The following SLIT3 variants were observed in gnomAD, a reference collection of about 807,000 sequenced individuals.
SLIT3 encodes the protein slit guidance ligand 3.
Under a neutral mutation model 184.0 loss-of-function variants are expected in SLIT3, and 68 were observed. The observed-to-expected ratio is 0.37, with a 90% CI of 0.30 to 0.45. SLIT3 has a LOEUF of 0.45. Ranked by LOEUF, SLIT3 falls within the 20% of genes least tolerant of loss-of-function variation. The probability of loss-of-function intolerance (pLI) is 1.00; values close to 1 mark genes in which losing one functional copy is unlikely to be tolerated. For missense variants in SLIT3, 1,707 were observed against 2,026.0 expected, an observed-to-expected ratio of 0.84 and a Z score of 3.02; for synonymous variants, 831 against 828.6, an observed-to-expected ratio of 1.00 and a Z score of -0.05.
At chr5:169,244,434 G>GGGCTGTATA (rs2113579356) in intron 3 of SLIT3, among the ~76,000 whole-genome samples, 1 of 152,314 alleles carries the variant, frequency 6.6e-6, no homozygotes, top group South Asian at 2.1e-4. Flanking sequence ...CCTTATACAG[G>GGGCTGTATA]TACCAAGACA....
At chr5:169,169,480 A>G (rs1762751528) in intron 4 of SLIT3, among the ~76,000 whole-genome samples, 1 of 152,220 alleles carries the variant, frequency 6.6e-6, no homozygotes, top group African/African-American at 2.4e-5. Flanking sequence ...ACTCAGGAAA[A>G]TAAATTAGCT....
rs986566486 is a variant in SLIT3, at chr5:168,671,367, C to T, written c.3958G>A (p.Ala1320Thr). 1.2e-6 allele frequency: 2 copies of T among 1,614,156 alleles called. No individual in the cohort carries two copies. The highest frequency in any genetic ancestry group is 1.7e-6 in the Non-Finnish European group (2 of 1,180,024). Residue 1320 changes from alanine (A) to threonine (T), a missense_variant, in exon 34 of 36, where the codon GCC becomes ACC. This residue lies in a region of SLIT3 where 387 missense variants were observed against 477.9 expected (regional missense o/e 0.81). Transcript: ENST00000519560. ...ACCCCCAGGGACTGTGGTGGGAGGG[C>T]CTTGAAGTCCTGCAGCTCGTTGTTG... ...RINNELQDFK[A>T]LPPQSLGVSP... is the part of the protein sequence containing the mutation.
chr5:169,046,771 T>G (rs775625501), intron 4 of SLIT3, among the ~76,000 whole-genome samples: 41 of 152,260 alleles, frequency 2.7e-4, no homozygotes, highest in Admixed American at 1.8e-3. Flanking sequence ...GCCCCATGTG[T>G]GTAAAATTAA....
intron 1 of SLIT3, among the ~76,000 whole-genome samples, chr5:169,257,236 G>A (rs1013171067): frequency 1.3e-5 from 2 of 152,006 alleles, no homozygotes; most frequent in Admixed American, 6.5e-5. Flanking sequence ...CCTTTACACT[G>A]TCTTCTCTCA....
rs150302421 is a variant in SLIT3 at position 168,824,370 on chromosome 5, A to G, written c.558-1039T>C. 5.8e-3 allele frequency among the ~76,000 whole-genome samples: 885 copies of G among 152,334 alleles called. 18 individuals are homozygous for G. Among genetic ancestry groups the G allele is most frequent in the African/African-American group, 0.02 (824 of 41,566 alleles). On this transcript the variant is annotated intron_variant, in intron 6 of 35. Transcript: ENST00000519560. ...AGGTACTTTTGTGCAGGGAAAAGCA[A>G]AGAGAAAGGTGTGAGCTCCATAAAT...
chr5:169,136,086 A>T (rs1388262295), intron 4 of SLIT3, among the ~76,000 whole-genome samples: 2 of 152,182 alleles, frequency 1.3e-5, no homozygotes, highest in African/African-American at 4.8e-5. Flanking sequence ...AACTAGAAAT[A>T]AAGTTGTTTC....
At chr5:168,876,854 ATAT>A (rs1157886488) in intron 5 of SLIT3, among the ~76,000 whole-genome samples, 1 of 152,052 alleles carries the variant, frequency 6.6e-6, no homozygotes, top group Non-Finnish European at 1.5e-5. Flanking sequence ...TTCCTATAGT[ATAT>A]TATTCTTACA....
chr5:169,194,844 G>A (rs950963537), intron 3 of SLIT3, among the ~76,000 whole-genome samples: 9 of 152,170 alleles, frequency 5.9e-5, no homozygotes, highest in African/African-American at 2.2e-4. Context: ...GTGACACAGA[G>A]CCATCATTAT....
chr5:168,735,320 G>A (rs1353649090), intron 20 of SLIT3, among the ~76,000 whole-genome samples: 1 of 152,178 alleles, frequency 6.6e-6, no homozygotes, highest in Non-Finnish European at 1.5e-5. Flanking sequence ...CAAACCAGCT[G>A]ATGTTAATGG....
intron 1 of SLIT3, among the ~76,000 whole-genome samples, chr5:169,296,472 C>G (rs889232108): frequency 3.3e-5 from 5 of 152,218 alleles, no homozygotes; most frequent in East Asian, 1.9e-4. Flanking sequence ...GCTCCTTAGT[C>G]TGTCCAGGAG....
At chr5:169,000,603 C>G (rs1003377404) in intron 4 of SLIT3, among the ~76,000 whole-genome samples, 1 of 151,930 alleles carries the variant, frequency 6.6e-6, no homozygotes, top group Admixed American at 6.6e-5. Context: ...ATAACAAAAA[C>G]TTAAGGGTGT....
At chr5:169,261,155 C>A (rs888157784) in intron 1 of SLIT3, among the ~76,000 whole-genome samples, 2 of 152,156 alleles carry the variant, frequency 1.3e-5, no homozygotes, top group Non-Finnish European at 2.9e-5. Context: ...CAAAAGCTTA[C>A]AGAAGAGTAT....
chr5:169,076,685 A>T (rs12654054), intron 4 of SLIT3, among the ~76,000 whole-genome samples: 8,862 of 152,198 alleles, frequency 0.058, 396 homozygotes, highest in East Asian at 0.21. Context: ...CAGTTTTTGG[A>T]AATTCTAGTC....
chr5:169,048,372 A>G (rs1757697018), intron 4 of SLIT3, among the ~76,000 whole-genome samples: 1 of 152,226 alleles, frequency 6.6e-6, no homozygotes, highest in African/African-American at 2.4e-5. Flanking sequence ...AGAAATGCTA[A>G]CTTTTGTTAT....
intron 23 of SLIT3, among the ~76,000 whole-genome samples, chr5:168,721,507 T>C (rs1365020296): frequency 1.3e-5 from 2 of 152,150 alleles, no homozygotes; most frequent in African/African-American, 4.8e-5. Context: ...TACCCATGTG[T>C]AGGACAGGGC....
chr5:169,184,869 G>C (rs1027250524), intron 4 of SLIT3, among the ~76,000 whole-genome samples: 2 of 152,146 alleles, frequency 1.3e-5, no homozygotes, highest in East Asian at 3.8e-4. Flanking sequence ...AGATCCTTAG[G>C]TGTTCAGATA....
At chr5:168,966,686 C>T (rs1266557170) in intron 4 of SLIT3, among the ~76,000 whole-genome samples, 1 of 152,140 alleles carries the variant, frequency 6.6e-6, no homozygotes, top group Non-Finnish European at 1.5e-5. Context: ...TCTAAATATC[C>T]CCCATGCCTA....
chr5:169,172,262 A>C (rs1253210535), intron 4 of SLIT3, among the ~76,000 whole-genome samples: 6 of 152,186 alleles, frequency 3.9e-5, no homozygotes, highest in Non-Finnish European at 8.8e-5. Flanking sequence ...CAGGAGAAAT[A>C]CCAGATTGTC....
At chr5:168,920,865 C>T (rs570057160) in intron 4 of SLIT3, among the ~76,000 whole-genome samples, 7 of 152,264 alleles carry the variant, frequency 4.6e-5, no homozygotes, top group African/African-American at 1.7e-4. Flanking sequence ...CCATGCTGTA[C>T]TCACTGATAG....
Sources: gnomAD v4.1 joint callset for allele counts (sites outside exome capture counted in the v4.1 genomes callset) on GRCh38, gnomAD v4.1.1 for gene constraint, gnomAD v4.1.1 regional missense constraint, MANE v1.5 for transcripts, NCBI Gene and HGNC (gene_info 2026-07-23, HGNC 2026-07-21) for gene names.